CIITA: variants seen among roughly 807,000 people sequenced by gnomAD.
The protein encoded by CIITA is class II major histocompatibility complex transactivator.
In CIITA, 72 loss-of-function variants were observed where a neutral mutation model predicts 115.1. That is an observed-to-expected ratio of 0.63 (90% confidence interval 0.52 to 0.76). CIITA has a LOEUF of 0.76. Ranked by LOEUF, CIITA falls within the 30% of genes least tolerant of loss-of-function variation. The pLI, the probability that CIITA is intolerant of heterozygous loss-of-function variation, is 0.00. For synonymous variants in CIITA, 763 were observed against 635.6 expected (o/e 1.20, Z -3.02); for missense variants, 1,617 against 1,463.8 (o/e 1.10, Z -1.71).
rs1477126917 is a variant in CIITA at position 10,879,506 on chromosome 16, G to C, written c.52+2124G>C. 6.6e-6 allele frequency among the ~76,000 whole-genome samples: 1 copy of C among 152,190 alleles called. No homozygotes were observed. The highest frequency in any genetic ancestry group is 2.4e-5 in the African/African-American group (1 of 41,444). ...ATTCCATCTCTAACTCTGGAATCTT[G>C]GGTATTGGGCTCTCCAGGCGGGGGG... is the stretch of plus-strand genomic sequence containing the variant. On this transcript the variant is annotated intron_variant, in intron 1 of 19. Coordinates refer to ENST00000324288, the MANE Select transcript of CIITA (RefSeq NM_000246.4). The surrounding 1 kb of genome is among the most constrained non-coding windows in gnomAD (Gnocchi z 4.3).
intron 13 of CIITA, among the ~76,000 whole-genome samples, chr16:10,910,660 G>T (rs575831593): frequency 2.5e-4 from 38 of 152,324 alleles, no homozygotes; most frequent in Non-Finnish European, 5.0e-4. Context: ...GGGGAGAGGG[G>T]AGTAAGAAAG....
Position 10,902,709 on chromosome 16 carries a change from T to A in CIITA, c.680T>A (p.Ile227Asn), listed in dbSNP as rs765306236. 1.9e-6 allele frequency: 3 copies of A among 1,614,200 alleles called. No individual in the cohort carries two copies. The highest frequency in any genetic ancestry group is 2.5e-6 in the Non-Finnish European group (3 of 1,180,024). Residue 227 changes from isoleucine to asparagine, a missense_variant, in exon 8 of 20, where the codon ATC becomes AAC. Physicochemically the swap from Ile to Asn is moderately radical, Grantham distance 149. Coordinates refer to ENST00000324288, the MANE Select transcript of CIITA (RefSeq NM_000246.4). The stretch of plus-strand genomic sequence containing the variant: ...TGCCTGAATCTCCCTGAGGGACCCA[T>A]CCAGTTTGTCCCCACCATCTCCACT... ...LSCLNLPEGP[I>N]QFVPTISTLP...
chr16:10,915,533 G>A, intron 13 of CIITA, 37 bp from the exon 14 acceptor site: 2 of 1,538,164 alleles, frequency 1.3e-6, no homozygotes, highest in East Asian at 2.2e-5. Flanking sequence ...GGCTGTGACT[G>A]TGACTGGAGG....
chr16:10,923,095 C>A lies in CIITA; in HGVS notation c.3318-133C>A. The A allele has an allele frequency of 2.6e-6, 2 of 781,102 alleles. No homozygotes were observed. The highest frequency in any genetic ancestry group is 4.5e-6 in the Non-Finnish European group (2 of 441,956). 48.4% of individuals were successfully genotyped at this position (781,102 alleles called of 1,614,324 possible). A position where few individuals can be genotyped will look rare whatever the true frequency, so the allele number is the denominator to read the frequency against. On this transcript the variant is annotated intron_variant, in intron 18 of 19. Coordinates refer to ENST00000324288, the MANE Select transcript of CIITA (RefSeq NM_000246.4). The surrounding 1 kb of genome is among the most constrained non-coding windows in gnomAD (Gnocchi z 5.2). ...CCTTTTCCCCATGACCCACACCGGT[C>A]GGTATCTTGCCAGGGGAAAAGTCCC...
At position 10,910,293 on chromosome 16, in the gene CIITA, C is replaced by T. The variant is rs4781019; in HGVS notation, c.2888+34C>T. ...AGGGGTGGATTGTCTTGTGGGTCTG[C>T]GCAAGGTTTCCCCTGCAGCATTAGC... is the stretch of plus-strand genomic sequence containing the variant. On this transcript the variant is annotated intron_variant, in intron 13 of 19. Coordinates refer to ENST00000324288, the MANE Select transcript of CIITA (RefSeq NM_000246.4). 849,481 of 1,589,638 alleles carry T rather than the reference C, an allele frequency of 0.53. 230,450 individuals are homozygous for T. Among genetic ancestry groups the T allele is most frequent in the Non-Finnish European group, 0.57 (657,646 of 1,160,234 alleles).
rs1274997590 is a variant in CIITA at position 10,929,232 on chromosome 16, G to A, written c.*5377G>A. 2 of 985,816 alleles carry A rather than the reference G, an allele frequency of 2.0e-6. No homozygotes were observed. Among genetic ancestry groups the A allele is most frequent in the African/African-American group, 3.5e-5 (2 of 57,250 alleles). The allele number at this position is 985,816 out of a possible 1,614,324, so 61.1% of individuals were successfully genotyped here. On this transcript the variant is annotated 3_prime_UTR_variant, in exon 20 of 20. Coordinates refer to ENST00000324288, the MANE Select transcript of CIITA (RefSeq NM_000246.4). This position sits in a 1 kb window ranked among gnomAD's most constrained non-coding sequence, Gnocchi z 4.3. ...CTCAACTCACATCAAACGGAGCTGG[G>A]AGTCGCTTTTGCGTGTGTCCGCAGT...
upstream of CIITA, among the ~76,000 whole-genome samples, chr16:10,872,440 G>T (rs2035552928): frequency 6.6e-6 from 1 of 152,086 alleles, no homozygotes; most frequent in East Asian, 1.9e-4. Context: ...CTGTCTTATG[G>T]TGGTAATCTA....
In CIITA at chr16:10,895,785, A is replaced by G. The variant is rs112570822; in HGVS notation, c.295+21A>G. Reference sequence around the variant, plus strand: ...TATCGGTGAGGAAGCACCTGAGCCCAGAAAAGGACAATCAAGGGCAAGAGT... The same window carrying G: ...TATCGGTGAGGAAGCACCTGAGCCCGGAAAAGGACAATCAAGGGCAAGAGT... On this transcript the variant is annotated intron_variant, in intron 3 of 19. Coordinates refer to ENST00000324288, the MANE Select transcript of CIITA (RefSeq NM_000246.4). The G allele has an allele frequency of 4.8e-5, 78 of 1,612,022 alleles. No homozygotes were observed. The African/African-American group carries it at 8.9e-4, about 18-fold the overall frequency.
In CIITA at chr16:10,907,172, C is replaced by T. The variant is rs374666560; in HGVS notation, c.1680C>T (p.Ala560=). Residue 560 remains alanine, a synonymous_variant, in exon 11 of 20, where the codon GCC becomes GCT. Transcript: ENST00000324288. The surrounding 1 kb of genome is among the most constrained non-coding windows in gnomAD (Gnocchi z 5.0). ...GCCTGGTCCAGAGCCTGAGCAAGGC[C>T]GACGCCCTATTTGAGCTGTCCGGCT... ...RGRLVQSLSK[A]DALFELSGFS... The T allele has an allele frequency of 5.0e-6, 8 of 1,613,174 alleles. No individual in the cohort carries two copies. The highest frequency in any genetic ancestry group is 1.1e-5 in the South Asian group (1 of 91,052).
intron 12 of CIITA, among the ~76,000 whole-genome samples, chr16:10,909,665 T>A (rs1438389687): frequency 6.6e-6 from 1 of 152,260 alleles, no homozygotes; most frequent in Non-Finnish European, 1.5e-5. Context: ...CTGTCTGGGA[T>A]AGGTACTGGT....
chr16:10,910,410 G>A (rs1221123785), intron 13 of CIITA, 151 bp downstream of exon 13: 1 of 749,318 alleles, frequency 1.3e-6, no homozygotes, highest in Non-Finnish European at 2.3e-6. Flanking sequence ...CAGCTGGAAA[G>A]TGACCAGTGT....
chr16:10,903,994 G>C, intron 9 of CIITA, 99 bp downstream of exon 9: 1 of 1,510,474 alleles, frequency 6.6e-7, no homozygotes, highest in Non-Finnish European at 9.2e-7. Context: ...GCTGCCTGTA[G>C]GGACAACAGG....
chr16:10,887,838 G>A (rs1221908162), intron 1 of CIITA, among the ~76,000 whole-genome samples: 1 of 152,104 alleles, frequency 6.6e-6, no homozygotes, highest in Non-Finnish European at 1.5e-5. Flanking sequence ...AGTGCTGGAG[G>A]CTTTTAGGGG....
chr16:10,931,604 G>A lies in CIITA; in HGVS notation c.*7749G>A, dbSNP rs1162826672. 1 of 152,218 alleles carries A rather than the reference G, an allele frequency of 6.6e-6. No homozygotes were observed. Among genetic ancestry groups the A allele is most frequent in the Non-Finnish European group, 1.5e-5 (1 of 68,046 alleles). 9.4% of individuals were successfully genotyped at this position (152,218 alleles called of 1,614,324 possible). A position where few individuals can be genotyped will look rare whatever the true frequency, so the allele number is the denominator to read the frequency against. On this transcript the variant is annotated 3_prime_UTR_variant, in exon 20 of 20. Coordinates refer to ENST00000324288, the MANE Select transcript of CIITA (RefSeq NM_000246.4). ...CACACCTGTAATCCCAACACTTTGG[G>A]AGGCTAAGGTGGGTGGATCAGTTGA...
intron 5 of CIITA, among the ~76,000 whole-genome samples, chr16:10,899,575 G>A (rs1199533678): frequency 6.6e-6 from 1 of 152,138 alleles, no homozygotes; most frequent in South Asian, 2.1e-4. Context: ...TGTCTTTCTT[G>A]CTCGTGACTG....
Position 10,906,729 on chromosome 16 carries a change from A to G in CIITA, c.1237A>G (p.Thr413Ala). 6.2e-7 allele frequency: 1 copy of G among 1,610,938 alleles called. No homozygotes were observed. The highest frequency in any genetic ancestry group is 8.5e-7 in the Non-Finnish European group (1 of 1,179,816). Residue 413 changes from threonine to alanine, a missense_variant, in exon 11 of 20, where the codon ACA becomes GCA. Transcript: ENST00000324288. ...CAAGGAGCACCGGCGGCCGCGTGAG[A>G]CACGAGTGATTGCTGTGCTGGGCAA... The part of the protein sequence containing the change: ...AAKEHRRPRE[T>A]RVIAVLGKAG...
Position 10,879,255 on chromosome 16 carries a change from C to A in CIITA, c.52+1873C>A, listed in dbSNP as rs780132257. Among the ~76,000 whole-genome samples, 28 of 152,192 alleles carry A rather than the reference C, an allele frequency of 1.8e-4. No individual in the cohort carries two copies. Among genetic ancestry groups the A allele is most frequent in the Non-Finnish European group, 4.1e-4 (28 of 68,030 alleles). On this transcript the variant is annotated intron_variant, in intron 1 of 19. Transcript: ENST00000324288. This position sits in a 1 kb window ranked among gnomAD's most constrained non-coding sequence, Gnocchi z 4.3. ...AGCCGGGAACCCGGAGCTTGGCTTG[C>A]TGTGCCCAGAGCTCCGGGGCCGTGG... is the stretch of plus-strand genomic sequence containing the variant.
In CIITA at chr16:10,935,578, T is replaced by C. The variant is rs2040992596; in HGVS notation, c.*11723T>C. The C allele has an allele frequency of 6.6e-6, 1 of 152,242 alleles. No homozygotes were observed. The highest frequency in any genetic ancestry group is 1.5e-5 in the Non-Finnish European group (1 of 68,044). 9.4% of individuals were successfully genotyped at this position (152,242 alleles called of 1,614,324 possible). On this transcript the variant is annotated 3_prime_UTR_variant, in exon 20 of 20. Transcript: ENST00000324288. ...AGCACTAAAACTAGTGCATTTCATC[T>C]TAAACTGCAAATTATAAAGGGAATA...
intron 1 of CIITA, among the ~76,000 whole-genome samples, chr16:10,893,371 G>C (rs925206240): frequency 6.6e-6 from 1 of 152,198 alleles, no homozygotes; most frequent in African/African-American, 2.4e-5. Flanking sequence ...TGAGCCTTCA[G>C]CTTGGCTTTC....
Sources: gnomAD v4.1 joint callset for allele counts (sites outside exome capture counted in the v4.1 genomes callset) on GRCh38, gnomAD v4.1.1 for gene constraint, Gnocchi (gnomAD v3.1) non-coding constraint, MANE v1.5 for transcripts, NCBI Gene and HGNC (gene_info 2026-07-23, HGNC 2026-07-21) for gene names.